RYR2: variants seen among roughly 807,000 people sequenced by gnomAD.
The protein encoded by RYR2 is cardiac muscle ryanodine receptor-calcium release channel.
RYR2 carries 227 observed loss-of-function variants against 601.1 expected under a neutral mutation model. That is an observed-to-expected ratio of 0.38 (90% CI 0.34 to 0.42). The LOEUF (loss-of-function observed/expected upper bound fraction) is 0.42, where lower values mean the gene tolerates loss of function less well. Ranked by LOEUF, RYR2 falls within the 10% of genes least tolerant of loss-of-function variation. The pLI, the probability that RYR2 is intolerant of heterozygous loss-of-function variation, is 1.00. For synonymous variants in RYR2, 2,223 were observed against 2,175.1 expected (o/e 1.02, Z -0.61); for missense variants, 4,646 against 6,156.5 (o/e 0.75, Z 8.21).
At chr1:237,591,927 C>A (rs540701761) in intron 32 of RYR2, 74 bp downstream of exon 32, 1 of 948,042 alleles carries the variant, frequency 1.1e-6, no homozygotes, top group Non-Finnish European at 1.6e-6. Context: ...TAATACATAC[C>A]GATTCATCAT....
chr1:237,675,792 T>A (rs12097314), intron 60 of RYR2, among the ~76,000 whole-genome samples: 1 of 152,092 alleles, frequency 6.6e-6, no homozygotes, highest in Admixed American at 6.5e-5. Flanking sequence ...GCCTCTTGTA[T>A]CCTAAATGTG....
chr1:237,666,643 TAATG>T, intron 57 of RYR2, 54 bp downstream of exon 57: 11 of 1,365,082 alleles, frequency 8.1e-6, no homozygotes, highest in Non-Finnish European at 1.1e-5. Flanking sequence ...TTAAGAAGCA[TAATG>T]TAATGCTTTC....
chr1:237,795,947 CAT>C (rs199568984), intron 96 of RYR2, among the ~76,000 whole-genome samples: 4,403 of 88,398 alleles, frequency 0.05, 222 homozygotes, highest in African/African-American at 0.13. Flanking sequence ...TGTATGTGTG[CAT>C]ATGTGTACAT....
intron 38 of RYR2, among the ~76,000 whole-genome samples, chr1:237,620,913 A>G (rs751079678): frequency 1.4e-4 from 21 of 152,122 alleles, no homozygotes; most frequent in Non-Finnish European, 2.5e-4. Flanking sequence ...ACTATCATCA[A>G]ATAATAGATC....
intron 1 of RYR2, among the ~76,000 whole-genome samples, chr1:237,256,029 G>A (rs35272209): frequency 0.039 from 5,974 of 152,034 alleles, 116 homozygotes; most frequent in Non-Finnish European, 0.049. Flanking sequence ...TGGCTGTGTC[G>A]CCACCCAAAT....
At chr1:237,679,890 G>C (rs1196547238) in intron 61 of RYR2, among the ~76,000 whole-genome samples, 5 of 152,198 alleles carry the variant, frequency 3.3e-5, no homozygotes, top group Admixed American at 2.6e-4. Context: ...TGAGTGGACA[G>C]AGTGAGGAGG....
intron 1 of RYR2, among the ~76,000 whole-genome samples, chr1:237,178,984 A>G (rs1678396778): frequency 6.6e-6 from 1 of 152,098 alleles, no homozygotes; most frequent in African/African-American, 2.4e-5. Context: ...GACCATTGCC[A>G]CCTTTGTTGT....
rs869116177 is a variant in RYR2 at position 237,556,880 on chromosome 1, CAAAAAAA to C, written c.3214+6212_3214+6218del. 4.3e-3 allele frequency among the ~76,000 whole-genome samples: 334 copies of C among 77,818 alleles called. 8 individuals are homozygous for C. In the East Asian group the frequency reaches 0.068, roughly 16 times the overall value. The allele number at this position is 77,818 out of a possible 152,430, so 51.1% of individuals were successfully genotyped here. A position where few individuals can be genotyped will look rare whatever the true frequency, so the allele number is the denominator to read the frequency against. ...AGCAAACTACCCCTTTCCCTCCCAC[CAAAAAAA>C]AAAAAAAAAAAAAAAAAAAAAACCC... On this transcript the variant is annotated intron_variant, in intron 27 of 104. Coordinates refer to ENST00000366574, the MANE Select transcript of RYR2 (RefSeq NM_001035.3).
rs1662958327 is a variant in RYR2, at chr1:237,062,053, G to C, written c.48+19484G>C. Among the ~76,000 whole-genome samples, 3 of 152,028 alleles carry C rather than the reference G, an allele frequency of 2.0e-5. No homozygotes were observed. The South Asian group carries it at 6.2e-4, about 32-fold the overall frequency. ...TAGTAAGTCAGGTGGCTGTAAGCAG[G>C]GATATCTATTACTTGACTCTCTTTT... is the stretch of plus-strand genomic sequence containing the variant. On this transcript the variant is annotated intron_variant, in intron 1 of 104. Coordinates refer to ENST00000366574, the MANE Select transcript of RYR2 (RefSeq NM_001035.3).
intron 85 of RYR2, among the ~76,000 whole-genome samples, chr1:237,771,102 G>A (rs116499647): frequency 6.6e-6 from 1 of 152,048 alleles, no homozygotes; most frequent in African/African-American, 2.4e-5. Flanking sequence ...CTTATCAATA[G>A]TTTTGATGTT....
At chr1:237,593,020 CA>C (rs34581689) in intron 32 of RYR2, among the ~76,000 whole-genome samples, 11,583 of 113,766 alleles carry the variant, frequency 0.1, 571 homozygotes, top group East Asian at 0.2. Flanking sequence ...GAGTCTATCT[CA>C]AAAAAAAAAA....
chr1:237,176,198 C>T (rs904831363), intron 1 of RYR2, among the ~76,000 whole-genome samples: 5 of 149,610 alleles, frequency 3.3e-5, no homozygotes, highest in Non-Finnish European at 5.9e-5. Context: ...GATCACTTCA[C>T]TGCACTTCAG....
intron 10 of RYR2, among the ~76,000 whole-genome samples, chr1:237,403,521 C>T (rs1032487744): frequency 6.6e-6 from 1 of 152,166 alleles, no homozygotes; most frequent in Non-Finnish European, 1.5e-5. Context: ...TGGCCTCAAG[C>T]AATCCTTGAT....
At chr1:237,412,867 C>T (rs1341515390) in intron 10 of RYR2, among the ~76,000 whole-genome samples, 1 of 152,080 alleles carries the variant, frequency 6.6e-6, no homozygotes, top group Non-Finnish European at 1.5e-5. Context: ...TGTATGAGTT[C>T]AAAGTTGGTA....
Position 237,360,227 on chromosome 1 carries a change from T to C in RYR2, c.295-4131T>C, listed in dbSNP as rs1194812029. ...GTATTCTGACATGGGCAATTTTTTA[T>C]GTGTAGGTGATGATCTGAATAGAGG... is the stretch of plus-strand genomic sequence containing the variant. On this transcript the variant is annotated intron_variant, in intron 4 of 104. Coordinates refer to ENST00000366574, the MANE Select transcript of RYR2 (RefSeq NM_001035.3). 6.6e-5 allele frequency among the ~76,000 whole-genome samples: 10 copies of C among 152,338 alleles called. No homozygotes were observed. The East Asian group carries it at 1.5e-3, about 24-fold the overall frequency.
intron 96 of RYR2, among the ~76,000 whole-genome samples, chr1:237,795,836 G>GTATATATATATATATATATA (rs1553329286): frequency 9.0e-5 from 12 of 132,668 alleles, no homozygotes; most frequent in African/African-American, 3.4e-4. Flanking sequence ...GTGTGTGTGT[G>GTATATATATATATATATATA]TATATATATA....
chr1:237,782,374 T>C (rs569393054), intron 89 of RYR2, among the ~76,000 whole-genome samples: 1 of 152,172 alleles, frequency 6.6e-6, no homozygotes, highest in Non-Finnish European at 1.5e-5. Flanking sequence ...GAGAATTCAG[T>C]GGAATCCTAT....
chr1:237,401,404 C>T (rs988484610), intron 10 of RYR2, among the ~76,000 whole-genome samples: 18 of 152,286 alleles, frequency 1.2e-4, no homozygotes, highest in Non-Finnish European at 1.8e-4. Context: ...ACTGGCTATA[C>T]ATTTAGAGGT....
Position 237,655,868 on chromosome 1 carries a change from A to G in RYR2, c.8013A>G (p.Ala2671=), listed in dbSNP as rs1237709417. 3.7e-6 allele frequency: 6 copies of G among 1,609,164 alleles called. No homozygotes were observed. Among genetic ancestry groups the G allele is most frequent in the Non-Finnish European group, 4.2e-6 (5 of 1,177,512 alleles). ...AACTGGCACTGCCTTGCCTGAGTGC[A>G]GTTGCGGGAGCTTTGCCTCCAGACT... ...LFKLALPCLS[A]VAGALPPDYM... Residue 2671 remains alanine (A), a synonymous_variant, in exon 53 of 105, where the codon GCA becomes GCG. Transcript: ENST00000366574.
Sources: gnomAD v4.1 joint callset for allele counts (sites outside exome capture counted in the v4.1 genomes callset) on GRCh38, gnomAD v4.1.1 for gene constraint, MANE v1.5 for transcripts, NCBI Gene and HGNC (gene_info 2026-07-23, HGNC 2026-07-21) for gene names.